ING5: variants seen among roughly 807,000 people sequenced by gnomAD.
ING5 encodes inhibitor of growth protein 5.
ING5 carries 17 observed loss-of-function variants against 37.4 expected under a neutral mutation model. That is an observed-to-expected ratio of 0.45 (90% CI 0.31 to 0.68). The LOEUF (loss-of-function observed/expected upper bound fraction) is 0.68, where lower values mean the gene tolerates loss of function less well. Among genes scored for constraint, ING5 ranks in the 30% least tolerant of loss-of-function variants. ING5 has a pLI of 0.05. For missense variants in ING5, 233 were observed against 311.9 expected, an observed-to-expected ratio of 0.75 and a Z score of 1.91; for synonymous variants, 123 against 116.6, an observed-to-expected ratio of 1.06 and a Z score of -0.36.
chr2:241,709,926 TTTTA>T (rs1174895708), intron 3 of ING5, among the ~76,000 whole-genome samples: 4 of 151,704 alleles, frequency 2.6e-5, no homozygotes, highest in African/African-American at 4.8e-5. Context: ...CCATATTTTA[TTTTA>T]TTTATTTATT....
chr2:241,722,856 CAG>C, intron 5 of ING5, 81 bp from the exon 6 acceptor site: 1 of 1,581,810 alleles, frequency 6.3e-7, no homozygotes, highest in Non-Finnish European at 8.6e-7. Flanking sequence ...GGCCTTAAGT[CAG>C]AGACAGAAGG....
chr2:241,698,578 C>G (rs1195921889), upstream of ING5, among the ~76,000 whole-genome samples: 1 of 150,538 alleles, frequency 6.6e-6, no homozygotes, highest in African/African-American at 2.4e-5. Flanking sequence ...TTCAACTTTT[C>G]AATAAACCTA....
chr2:241,705,471 C>T (rs1283500671), intron 2 of ING5, among the ~76,000 whole-genome samples: 7 of 144,502 alleles, frequency 4.8e-5, no homozygotes, highest in Non-Finnish European at 1.0e-4. Context: ...GATCTTGGCT[C>T]ACTGCAACCT....
In ING5 at chr2:241,727,370, A is replaced by G. The variant is rs1357138205; in HGVS notation, c.*2339A>G. 2.0e-5 allele frequency: 3 copies of G among 152,102 alleles called. No individual in the cohort carries two copies. Among genetic ancestry groups the G allele is most frequent in the Admixed American group, 6.6e-5 (1 of 15,260 alleles). The allele number at this position is 152,102 out of a possible 1,614,324, so 9.4% of individuals were successfully genotyped here. On this transcript the variant is annotated 3_prime_UTR_variant, in exon 8 of 8. Transcript: ENST00000313552. Reference sequence around the variant, plus strand: ...GCTCTGTCACCCAGGCTGGAATGCAATGGCACCATCTTGGCTCACTGCAAC... The same window carrying G: ...GCTCTGTCACCCAGGCTGGAATGCAGTGGCACCATCTTGGCTCACTGCAAC...
chr2:241,711,357 C>T lies in ING5; in HGVS notation c.277-20C>T, dbSNP rs376521848. 1 of 1,466,340 alleles carries T rather than the reference C, an allele frequency of 6.8e-7. No homozygotes were observed. The highest frequency in any genetic ancestry group is 9.1e-7 in the Non-Finnish European group (1 of 1,104,144). The allele number at this position is 1,466,340 out of a possible 1,614,324, so 90.8% of individuals were successfully genotyped here. On this transcript the variant is annotated intron_variant, in intron 3 of 7. Coordinates refer to ENST00000313552, the MANE Select transcript of ING5 (RefSeq NM_032329.6). ...GTTTTGGTTTTACTTTAAAATAAGA[C>T]TTTGGGTATCCTTTTGTAGGTGGAT...
intron 1 of ING5, among the ~76,000 whole-genome samples, chr2:241,702,341 C>CG (rs1430508996): frequency 6.7e-6 from 1 of 149,052 alleles, no homozygotes; most frequent in Non-Finnish European, 1.5e-5. Context: ...TGCGTCACGG[C>CG]GGGGCGGGGC....
At chr2:241,697,148 A>G (rs983608794), upstream of ING5, among the ~76,000 whole-genome samples, 7 of 151,496 alleles carry the variant, frequency 4.6e-5, no homozygotes, top group East Asian at 3.9e-4. Flanking sequence ...TAATAAGTAC[A>G]TGGGTGGCCA....
intron 7 of ING5, chr2:241,723,749 A>T (rs573932003): frequency 1.3e-6 from 2 of 1,597,950 alleles, no homozygotes; most frequent in Non-Finnish European, 1.7e-6. Flanking sequence ...TGACCCTTGC[A>T]TCCCCTTGGC....
rs1260654948 is a variant in ING5 at position 241,712,077 on chromosome 2, A to G, written c.482+6A>G. Reference sequence around the variant, plus strand: ...AAAAAGAAGCACAAAGGAGGGTAAGAGGCTTTCCCCTCTTTTTCCCAAAAG... The same window carrying G: ...AAAAAGAAGCACAAAGGAGGGTAAGGGGCTTTCCCCTCTTTTTCCCAAAAG... On this transcript the variant is annotated splice_donor_region_variant and intron_variant, in intron 5 of 7. Transcript: ENST00000313552. 2 of 1,591,088 alleles carry G rather than the reference A, an allele frequency of 1.3e-6. No individual in the cohort carries two copies. The highest frequency in any genetic ancestry group is 1.1e-5 in the South Asian group (1 of 87,836).
At position 241,709,109 on chromosome 2, in the gene ING5, T is replaced by C. The variant is rs969937360; in HGVS notation, c.110-107T>C. On this transcript the variant is annotated intron_variant, in intron 2 of 7. Coordinates refer to ENST00000313552, the MANE Select transcript of ING5 (RefSeq NM_032329.6). ...AGCACAGCGTGAGTTCATGTCAGCC[T>C]ACATCTTTGCCACAACTTGGCGTTG... The C allele has an allele frequency of 3.3e-6, 4 of 1,217,248 alleles. No individual in the cohort carries two copies. The African/African-American group carries it at 6.1e-5, about 18-fold the overall frequency. 75.4% of individuals were successfully genotyped at this position (1,217,248 alleles called of 1,614,324 possible).
At chr2:241,689,430 C>G (rs765732904) in intron 1 of ING5, among the ~76,000 whole-genome samples, 38 of 152,158 alleles carry the variant, frequency 2.5e-4, no homozygotes, top group Admixed American at 7.9e-4. Flanking sequence ...TCCTTTACGT[C>G]AAGCTTAGTG....
rs1399918984 is a variant in ING5 at position 241,704,672 on chromosome 2, C to T, written c.57C>T (p.Cys19=). Reference sequence around the variant, plus strand: ...TTTCAGGTATCGAGAACCTTCCCTGCGAACTTCAGAGGAACTTCCAGCTGA... The same window carrying T: ...TTTCAGGTATCGAGAACCTTCCCTGTGAACTTCAGAGGAACTTCCAGCTGA... The part of the protein sequence containing the change: ...HYLDSIENLP[C]ELQRNFQLMR... The change falls in exon 2 of 8, where the codon TGC becomes TGT. Residue 19 remains cysteine (C), a synonymous_variant. Transcript: ENST00000313552. 2.5e-6 allele frequency: 4 copies of T among 1,613,924 alleles called. No individual in the cohort carries two copies. Among genetic ancestry groups the T allele is most frequent in the East Asian group, 2.2e-5 (1 of 44,894 alleles).
At chr2:241,696,110 G>A (rs2124856739) in intron 2 of ING5, among the ~76,000 whole-genome samples, 1 of 152,200 alleles carries the variant, frequency 6.6e-6, no homozygotes, top group African/African-American at 2.4e-5. Context: ...AAACAAAACA[G>A]GCTGGGCTCG....
upstream of ING5, among the ~76,000 whole-genome samples, chr2:241,701,844 G>A (rs1250047310): frequency 3.3e-5 from 5 of 151,946 alleles, no homozygotes; most frequent in South Asian, 8.3e-4. Flanking sequence ...GATCCGCTGC[G>A]GCCCTGGGTC....
chr2:241,727,937 C>G lies in ING5; in HGVS notation c.*2906C>G, dbSNP rs1691687876. On this transcript the variant is annotated 3_prime_UTR_variant, in exon 8 of 8. Coordinates refer to ENST00000313552, the MANE Select transcript of ING5 (RefSeq NM_032329.6). ...ATGTGGTCCTGCCTGCCACTGTGCA[C>G]CATCCCAGGTATTGAATTTTGACCT... 1 of 152,200 alleles carries G rather than the reference C, an allele frequency of 6.6e-6. No individual in the cohort carries two copies. Among genetic ancestry groups the G allele is most frequent in the Non-Finnish European group, 1.5e-5 (1 of 68,036 alleles). The allele number at this position is 152,200 out of a possible 1,614,324, so 9.4% of individuals were successfully genotyped here.
Position 241,723,383 on chromosome 2 carries a change from C to T in ING5, c.680+112C>T, listed in dbSNP as rs548924376. 172 of 1,161,918 alleles carry T rather than the reference C, an allele frequency of 1.5e-4. 1 individual carries two copies. Among genetic ancestry groups the T allele is most frequent in the Middle Eastern group, 1.2e-3 (5 of 4,002 alleles). 72.0% of individuals were successfully genotyped at this position (1,161,918 alleles called of 1,614,324 possible). A position where few individuals can be genotyped will look rare whatever the true frequency, so the allele number is the denominator to read the frequency against. The stretch of plus-strand genomic sequence containing the variant: ...GAATCTTGCCGGGCTTAGCGGGACA[C>T]GGTAGCCACGTAGGCATGCCCCACT... On this transcript the variant is annotated intron_variant, in intron 7 of 7. Transcript: ENST00000313552.
At chr2:241,688,892 G>C (rs2069501840) in intron 1 of ING5, among the ~76,000 whole-genome samples, 1 of 152,090 alleles carries the variant, frequency 6.6e-6, no homozygotes, top group African/African-American at 2.4e-5. Context: ...TCCACCTCCC[G>C]AGTTCATCCC....
At chr2:241,722,672 G>A (rs987464835) in intron 5 of ING5, 7 of 985,444 alleles carry the variant, frequency 7.1e-6, no homozygotes, top group African/African-American at 1.7e-5. Context: ...GGAAGAAAAC[G>A]TCCACAAGGT....
At chr2:241,723,371 CT>C in intron 7 of ING5, 100 bp downstream of exon 7, 1 of 1,297,488 alleles carries the variant, frequency 7.7e-7, no homozygotes, top group Non-Finnish European at 1.1e-6. Flanking sequence ...TCTTGCCGGG[CT>C]TAGCGGGACA....
Sources: allele counts gnomAD v4.1 joint callset (sites outside exome capture counted in the v4.1 genomes callset), GRCh38; gene constraint gnomAD v4.1.1; transcripts MANE v1.5; gene names NCBI Gene and HGNC (gene_info 2026-07-23, HGNC 2026-07-21).